Variants in RCL1 observed in about 807,000 individuals in gnomAD.
RCL1 encodes the protein RNA terminal phosphate cyclase like 1, also known as RNA 3'-terminal phosphate cyclase-like protein.
Under a neutral mutation model 42.4 loss-of-function variants are expected in RCL1, and 24 were observed. The ratio of observed to expected loss-of-function variants is 0.57; its 90% CI spans 0.41 to 0.80. The LOEUF (loss-of-function observed/expected upper bound fraction) is 0.80, where lower values mean the gene tolerates loss of function less well. Among genes scored for constraint, RCL1 ranks in the 30% least tolerant of loss-of-function variants. The probability of loss-of-function intolerance (pLI) is 0.00; values close to 1 mark genes in which losing one functional copy is unlikely to be tolerated. For synonymous variants in RCL1, 228 were observed against 177.3 expected (o/e 1.29, Z -2.27); for missense variants, 578 against 467.9 (o/e 1.24, Z -2.17).
At chr9:4,829,579 G>T (rs115244793) in intron 3 of RCL1, among the ~76,000 whole-genome samples, 3,559 of 152,212 alleles carry the variant, frequency 0.023, 117 homozygotes, top group African/African-American at 0.079. Context: ...AGGTCATCAC[G>T]ATCTTACCTG....
intron 6 of RCL1, among the ~76,000 whole-genome samples, chr9:4,843,938 C>T (rs1817419952): frequency 6.6e-6 from 1 of 152,146 alleles, no homozygotes; most frequent in Admixed American, 6.5e-5. Context: ...CTCCCAGAAC[C>T]TTTGATGAAA....
chr9:4,842,680 C>G (rs1587725563), intron 6 of RCL1, among the ~76,000 whole-genome samples: 1 of 152,148 alleles, frequency 6.6e-6, no homozygotes, highest in South Asian at 2.1e-4. Context: ...ATGGTAAGTC[C>G]TACAGAAATG....
chr9:4,856,850 T>G (rs1817979068), intron 8 of RCL1, among the ~76,000 whole-genome samples: 1 of 152,218 alleles, frequency 6.6e-6, no homozygotes, highest in South Asian at 2.1e-4. Context: ...TCTTAGCCCC[T>G]GATGCGCTGG....
chr9:4,804,419 C>T (rs987330994), intron 1 of RCL1: 5 of 152,370 alleles, frequency 3.3e-5, no homozygotes, highest in African/African-American at 1.2e-4. Context: ...CACTGAAGAC[C>T]AAAGAGCTGC....
At chr9:4,846,654 C>A (rs919458692) in intron 7 of RCL1, among the ~76,000 whole-genome samples, 5 of 152,016 alleles carry the variant, frequency 3.3e-5, no homozygotes, top group African/African-American at 1.2e-4. Context: ...AGTGTCTGGC[C>A]GTGGCTGGTC....
At chr9:4,854,516 C>T (rs564466470) in intron 8 of RCL1, among the ~76,000 whole-genome samples, 31 of 152,214 alleles carry the variant, frequency 2.0e-4, no homozygotes, top group African/African-American at 6.0e-4. Context: ...TGGAGGAGGA[C>T]GCAGGACCCT....
At chr9:4,833,976 A>T (rs1205042791) in intron 4 of RCL1, among the ~76,000 whole-genome samples, 165 bp from the exon 5 acceptor site, 1 of 152,184 alleles carries the variant, frequency 6.6e-6, no homozygotes, top group Admixed American at 6.5e-5. Flanking sequence ...ACTCTCTAGG[A>T]GCCAACATAA....
intron 1 of RCL1, among the ~76,000 whole-genome samples, chr9:4,802,512 T>G (rs1843021144): frequency 6.6e-6 from 1 of 152,218 alleles, no homozygotes; most frequent in Middle Eastern, 3.2e-3. Flanking sequence ...TTAAATCTGT[T>G]TCTTTTCCCC....
At chr9:4,800,974 C>T (rs1390974109) in intron 1 of RCL1, among the ~76,000 whole-genome samples, 1 of 152,098 alleles carries the variant, frequency 6.6e-6, no homozygotes, top group African/African-American at 2.4e-5. Flanking sequence ...TTTTATATTC[C>T]TATCTGTAGT....
At chr9:4,855,115 G>C (rs1443032703) in intron 8 of RCL1, among the ~76,000 whole-genome samples, 1 of 150,920 alleles carries the variant, frequency 6.6e-6, no homozygotes, top group Non-Finnish European at 1.5e-5. Flanking sequence ...TCTGAAACCT[G>C]CTTGTCAGAT....
intron 1 of RCL1, among the ~76,000 whole-genome samples, chr9:4,812,263 G>A (rs764172140): frequency 2.2e-4 from 34 of 152,018 alleles, no homozygotes; most frequent in Non-Finnish European, 4.6e-4. Context: ...TTTGCCCAGA[G>A]TAAACGTCCT....
At chr9:4,803,359 A>G (rs896399592) in intron 1 of RCL1, among the ~76,000 whole-genome samples, 1 of 152,176 alleles carries the variant, frequency 6.6e-6, no homozygotes, top group Non-Finnish European at 1.5e-5. Context: ...TTCTAACATC[A>G]TAATAATGAT....
At chr9:4,856,856 G>A (rs186786739) in intron 8 of RCL1, among the ~76,000 whole-genome samples, 12 of 152,260 alleles carry the variant, frequency 7.9e-5, no homozygotes, top group Admixed American at 6.5e-4. Flanking sequence ...CCCCTGATGC[G>A]CTGGTCACTT....
intron 5 of RCL1, 125 bp downstream of exon 5, chr9:4,834,390 C>T (rs191272144): frequency 2.6e-6 from 3 of 1,133,648 alleles, no homozygotes; most frequent in Non-Finnish European, 3.6e-6. Flanking sequence ...TTTGAAAAGT[C>T]TTAACAGTGA....
intron 5 of RCL1, among the ~76,000 whole-genome samples, chr9:4,837,698 A>G (rs1817185913): frequency 6.6e-6 from 1 of 152,184 alleles, no homozygotes; most frequent in South Asian, 2.1e-4. Flanking sequence ...AGGGGAGAAC[A>G]TAAAAGTTAA....
intron 7 of RCL1, among the ~76,000 whole-genome samples, chr9:4,846,894 C>CTTTTTTCTTTTTTCTTT (rs57427254): frequency 6.7e-6 from 1 of 148,604 alleles, no homozygotes; most frequent in African/African-American, 2.5e-5. Context: ...TAATATTTTT[C>CTTTTTTCTTTTTTCTTT]TTTTTTTTTT....
chr9:4,825,004 C>T (rs929919600), intron 2 of RCL1, among the ~76,000 whole-genome samples: 2 of 152,014 alleles, frequency 1.3e-5, no homozygotes, highest in African/African-American at 4.8e-5. Flanking sequence ...TTCTGCCTCC[C>T]GGGTTCAAAC....
At chr9:4,829,867 T>C (rs952404994) in intron 3 of RCL1, among the ~76,000 whole-genome samples, 1 of 152,184 alleles carries the variant, frequency 6.6e-6, no homozygotes, top group African/African-American at 2.4e-5. Flanking sequence ...AGCTGCCTTT[T>C]TTGGATAAGG....
chr9:4,840,349 T>C (rs896985042), intron 5 of RCL1, among the ~76,000 whole-genome samples: 2 of 152,314 alleles, frequency 1.3e-5, no homozygotes, highest in South Asian at 4.1e-4. Flanking sequence ...ATTTTTTTAG[T>C]TCCAAATATA....
Sources: gnomAD v4.1 joint callset for allele counts (sites outside exome capture counted in the v4.1 genomes callset) on GRCh38, gnomAD v4.1.1 for gene constraint, MANE v1.5 for transcripts, NCBI Gene and HGNC (gene_info 2026-07-23, HGNC 2026-07-21) for gene names.